CAV1: variants seen among roughly 807,000 people sequenced by gnomAD.
CAV1 encodes caveolin-1.
Under a neutral mutation model 16.5 loss-of-function variants are expected in CAV1, and 10 were observed. The ratio of observed to expected loss-of-function variants is 0.61; its 90% CI spans 0.37 to 1.03. CAV1 has a LOEUF of 1.03. Ranked by LOEUF, CAV1 falls within the 50% of genes least tolerant of loss-of-function variation. CAV1 has a pLI of 0.01. For synonymous variants in CAV1, 76 were observed against 85.1 expected (o/e 0.89, Z 0.59); for missense variants, 212 against 232.8 (o/e 0.91, Z 0.58).
intron 2 of CAV1, among the ~76,000 whole-genome samples, chr7:116,550,444 G>A (rs1477771362): frequency 6.6e-6 from 1 of 152,168 alleles, no homozygotes; most frequent in African/African-American, 2.4e-5. Context: ...GTACAATCCA[G>A]GCCTCCTGTT....
At chr7:116,534,377 ATATATATATATATATATATTT>A in intron 2 of CAV1, among the ~76,000 whole-genome samples, 1 of 14,768 alleles carries the variant, frequency 6.8e-5, no homozygotes, top group Non-Finnish European at 1.5e-4. Context: ...ATATATATAT[ATATATATATATATATATATTT>A]TTTTTTTTTT....
chr7:116,551,103 A>G (rs892799350), intron 2 of CAV1, among the ~76,000 whole-genome samples: 4 of 152,224 alleles, frequency 2.6e-5, no homozygotes, highest in African/African-American at 9.6e-5. Flanking sequence ...GCACGAGACA[A>G]AGGGCAATCC....
At chr7:116,525,028 A>G (rs1793524639), upstream of CAV1, 9 of 1,613,562 alleles carry the variant, frequency 5.6e-6, no homozygotes, top group Non-Finnish European at 6.8e-6. Flanking sequence ...GCCCAGGGAA[A>G]CCTCCTCACA....
chr7:116,555,619 A>AAAGG (rs1292724862), intron 2 of CAV1, among the ~76,000 whole-genome samples: 36 of 116,642 alleles, frequency 3.1e-4, no homozygotes, highest in African/African-American at 9.8e-4. Context: ...AGAAAGAAAG[A>AAAGG]AGGGAGGGAG....
intron 2 of CAV1, among the ~76,000 whole-genome samples, chr7:116,557,947 A>G (rs6466587): frequency 0.19 from 28,988 of 152,040 alleles, 3,195 homozygotes; most frequent in African/African-American, 0.29. Flanking sequence ...CTGTCTTTCC[A>G]GCCTCGGTGA....
At chr7:116,531,195 A>G (rs1230074011) in intron 2 of CAV1, among the ~76,000 whole-genome samples, 1 of 152,218 alleles carries the variant, frequency 6.6e-6, no homozygotes, top group Non-Finnish European at 1.5e-5. Context: ...TGTATCATTA[A>G]AGAAGAATAG....
At chr7:116,543,537 C>A (rs373672107) in intron 2 of CAV1, among the ~76,000 whole-genome samples, 2 of 152,204 alleles carry the variant, frequency 1.3e-5, no homozygotes, top group Non-Finnish European at 2.9e-5. Flanking sequence ...TCCTTGCCAC[C>A]AAATTGGCTG....
At chr7:116,525,223 T>C (rs1793531383) in intron 1 of CAV1, 131 bp downstream of exon 1, 1 of 1,612,128 alleles carries the variant, frequency 6.2e-7, no homozygotes, top group Non-Finnish European at 8.5e-7. Flanking sequence ...CCTCTGGCGT[T>C]GGCACCGCTG....
chr7:116,525,420 C>G (rs1438919025), intron 1 of CAV1: 1 of 1,432,688 alleles, frequency 7.0e-7, no homozygotes, highest in Admixed American at 2.4e-5. Context: ...TGTCGCGGGA[C>G]CCCCGCGGTC....
In CAV1 at chr7:116,537,755, C is replaced by T. The variant is rs556449776; in HGVS notation, c.195+11066C>T. Among the ~76,000 whole-genome samples, 7 of 152,268 alleles carry T rather than the reference C, an allele frequency of 4.6e-5. No homozygotes were observed. In the East Asian group the frequency reaches 1.4e-3, roughly 29 times the overall value. On this transcript the variant is annotated intron_variant, in intron 2 of 2. Transcript: ENST00000341049. ...AGTGACAGGTCTGAGCTTCTAGGAT[C>T]AGACCCTAGATCTTGGCAAGTGGTT...
At position 116,534,368 on chromosome 7, in the gene CAV1, T is replaced by G. The variant is rs1269682290; in HGVS notation, c.195+7679T>G. On this transcript the variant is annotated intron_variant, in intron 2 of 2. Transcript: ENST00000341049. Reference sequence around the variant, plus strand: ...GATGCCTGGGCCCACCTCAGATATATATATATATATATATATATATATATA... The same window carrying G: ...GATGCCTGGGCCCACCTCAGATATAGATATATATATATATATATATATATA... 1.1e-3 allele frequency among the ~76,000 whole-genome samples: 17 copies of G among 14,926 alleles called. No individual in the cohort carries two copies. The South Asian group carries it at 0.015, about 13-fold the overall frequency. The allele number at this position is 14,926 out of a possible 152,430, so 9.8% of individuals were successfully genotyped here. A position where few individuals can be genotyped will look rare whatever the true frequency, so the allele number is the denominator to read the frequency against.
At chr7:116,536,415 C>G (rs1793817896) in intron 2 of CAV1, among the ~76,000 whole-genome samples, 1 of 152,134 alleles carries the variant, frequency 6.6e-6, no homozygotes, top group South Asian at 2.1e-4. Context: ...GTAAACAAAC[C>G]TGAGTGAGGT....
intron 2 of CAV1, among the ~76,000 whole-genome samples, chr7:116,546,697 CA>C (rs5886830): frequency 0.45 from 39,378 of 88,464 alleles, 6,365 homozygotes; most frequent in East Asian, 0.65. Flanking sequence ...GACTCTGTCA[CA>C]AAAAAAAAAA....
intron 2 of CAV1, among the ~76,000 whole-genome samples, chr7:116,543,674 A>G (rs1793983279): frequency 6.6e-6 from 1 of 152,212 alleles, no homozygotes; most frequent in Non-Finnish European, 1.5e-5. Flanking sequence ...ATCTTAGTTC[A>G]CATGACAGAG....
chr7:116,525,141 C>A, intron 1 of CAV1, 49 bp downstream of exon 1: 1 of 1,614,168 alleles, frequency 6.2e-7, no homozygotes, highest in Non-Finnish European at 8.5e-7. Context: ...GGAGTGTCCG[C>A]TTCTGCTATC....
At position 116,546,697 on chromosome 7, in the gene CAV1, C is replaced by CAAAAAAAAAAAAAAAAAA. The variant is rs5886830; in HGVS notation, c.196-12232_196-12231insAAAAAAAAAAAAAAAAAA. On this transcript the variant is annotated intron_variant, in intron 2 of 2. Coordinates refer to ENST00000341049, the MANE Select transcript of CAV1 (RefSeq NM_001753.5). ...GGGCAACAAGAATGAGACTCTGTCA[C>CAAAAAAAAAAAAAAAAAA]AAAAAAAAAAAAAAAAAGTCTGCAG... Among the ~76,000 whole-genome samples, 180 of 88,346 alleles carry CAAAAAAAAAAAAAAAAAA rather than the reference C, an allele frequency of 2.0e-3. 6 individuals carry two copies. The highest frequency in any genetic ancestry group is 2.6e-3 in the South Asian group (7 of 2,664). The allele number at this position is 88,346 out of a possible 152,430, so 58.0% of individuals were successfully genotyped here. A position where few individuals can be genotyped will look rare whatever the true frequency, so the allele number is the denominator to read the frequency against.
At position 116,560,123 on chromosome 7, in the gene CAV1, C is replaced by T. The variant is rs888974362; in HGVS notation, c.*836C>T. The T allele has an allele frequency of 3.1e-6, 1 of 319,948 alleles. No homozygotes were observed. The highest frequency in any genetic ancestry group is 5.7e-6 in the Non-Finnish European group (1 of 176,146). The allele number at this position is 319,948 out of a possible 1,614,324, so 19.8% of individuals were successfully genotyped here. On this transcript the variant is annotated 3_prime_UTR_variant, in exon 3 of 3. Transcript: ENST00000341049. ...ACTTCTGGGCTTCATCTGGCAACATCTTTATCCGTAGTGGGTATGGTTGAC... is the reference window on the plus strand; with the variant it reads ...ACTTCTGGGCTTCATCTGGCAACATTTTTATCCGTAGTGGGTATGGTTGAC...
At position 116,560,062 on chromosome 7, in the gene CAV1, G is replaced by A. The variant is rs1339396901; in HGVS notation, c.*775G>A. The A allele has an allele frequency of 2.6e-6, 1 of 379,016 alleles. No individual in the cohort carries two copies. The highest frequency in any genetic ancestry group is 2.1e-5 in the African/African-American group (1 of 48,198). The allele number at this position is 379,016 out of a possible 1,614,324, so 23.5% of individuals were successfully genotyped here. Reference sequence around the variant, plus strand: ...ATCCATGACCTAGTTTTCCATGCGTGTTTCTGACTCTGAGCTACAGAGTCT... The same window carrying A: ...ATCCATGACCTAGTTTTCCATGCGTATTTCTGACTCTGAGCTACAGAGTCT... On this transcript the variant is annotated 3_prime_UTR_variant, in exon 3 of 3. Transcript: ENST00000341049.
chr7:116,525,689 C>A (rs1229429211), intron 1 of CAV1: 1 of 1,085,228 alleles, frequency 9.2e-7, no homozygotes, highest in African/African-American at 1.7e-5. Context: ...CCAACGCCCT[C>A]CACGCGCTGG....
Sources: allele counts gnomAD v4.1 joint callset (sites outside exome capture counted in the v4.1 genomes callset), GRCh38; gene constraint gnomAD v4.1.1; transcripts MANE v1.5; gene names NCBI Gene and HGNC (gene_info 2026-07-23, HGNC 2026-07-21).